RNF4: variants seen among roughly 807,000 people sequenced by gnomAD.
RNF4 encodes ring finger protein 4.
Under a neutral mutation model 24.3 loss-of-function variants are expected in RNF4, and 7 were observed. The ratio of observed to expected loss-of-function variants is 0.29; its 90% CI spans 0.16 to 0.54. The LOEUF is 0.54. Among genes scored for constraint, RNF4 ranks in the 20% least tolerant of loss-of-function variants. The pLI is 0.95. For synonymous variants in RNF4, 83 were observed against 84.3 expected, an observed-to-expected ratio of 0.98 and a Z score of 0.09; for missense variants, 209 against 248.5, an observed-to-expected ratio of 0.84 and a Z score of 1.07.
chr4:2,500,723 C>A lies in RNF4; in HGVS notation c.189C>A (p.His63Gln), dbSNP rs1735884693. ...SLEPVVVDLT[H>Q]NDSVVIVDER... ...AGCCTGTGGTGGTTGATCTGACTCA[C>A]AATGACTCTGTTGTGGTAAGTGTTG... Residue 63 changes from histidine to glutamine, a missense_variant, in exon 4 of 8, where the codon CAC becomes CAA. Around this residue, in one of 3 missense-constraint regions of RNF4, gnomAD observed 182 missense variants for 197.2 expected, o/e 0.92. Coordinates refer to ENST00000314289, the MANE Select transcript of RNF4 (RefSeq NM_002938.5). The A allele has an allele frequency of 2.5e-6, 4 of 1,613,836 alleles. No homozygotes were observed. The highest frequency in any genetic ancestry group is 3.4e-6 in the Non-Finnish European group (4 of 1,179,800).
intron 1 of RNF4, among the ~76,000 whole-genome samples, chr4:2,486,045 C>G (rs1395530166): frequency 1.3e-5 from 2 of 152,150 alleles, no homozygotes; most frequent in African/African-American, 4.8e-5. Context: ...GTCTTGGTAT[C>G]AGACTGCCCT....
In RNF4 at chr4:2,512,629, A is replaced by G. The variant is rs1736300934; in HGVS notation, c.374+32A>G. Reference sequence around the variant, plus strand: ...ACGTGCCCCCAGCTCTGCTGCCGCCATGCTAGGATGTGGGGCCAGGGCATG... The same window carrying G: ...ACGTGCCCCCAGCTCTGCTGCCGCCGTGCTAGGATGTGGGGCCAGGGCATG... On this transcript the variant is annotated intron_variant, in intron 6 of 7. Coordinates refer to ENST00000314289, the MANE Select transcript of RNF4 (RefSeq NM_002938.5). This position sits in a 1 kb window ranked among gnomAD's most constrained non-coding sequence, Gnocchi z 4.1. The G allele has an allele frequency of 1.9e-6, 3 of 1,610,194 alleles. No homozygotes were observed. The highest frequency in any genetic ancestry group is 4.5e-5 in the East Asian group (2 of 44,844).
chr4:2,505,666 G>C (rs1736076217), intron 4 of RNF4: 1 of 147,978 alleles, frequency 6.8e-6, no homozygotes, highest in Admixed American at 6.8e-5. Flanking sequence ...TTGGTGCTGA[G>C]GTTTTCTTTA....
rs868681005 is a variant in RNF4 at position 2,469,137 on chromosome 4, A to G, written c.-279A>G. ...AGTGGGTTGCTGTTGAGGCGGCGGC[A>G]TCTTTCTCGAGGAGCTCTCCTGGGC... is the stretch of plus-strand genomic sequence containing the variant. On this transcript the variant is annotated 5_prime_UTR_variant, in exon 1 of 8. Transcript: ENST00000314289. The G allele has an allele frequency of 6.6e-6, 1 of 152,222 alleles. No homozygotes were observed. The highest frequency in any genetic ancestry group is 2.4e-5 in the African/African-American group (1 of 41,452). The allele number at this position is 152,222 out of a possible 1,614,324, so 9.4% of individuals were successfully genotyped here.
At chr4:2,494,347 T>TG (rs1735670725) in intron 2 of RNF4, among the ~76,000 whole-genome samples, 1 of 151,566 alleles carries the variant, frequency 6.6e-6, no homozygotes. Flanking sequence ...ATTCTGTATT[T>TG]GTCCCAATTG....
chr4:2,501,934 G>GA, intron 4 of RNF4, among the ~76,000 whole-genome samples: 1 of 152,310 alleles, frequency 6.6e-6, no homozygotes, highest in African/African-American at 2.4e-5. Flanking sequence ...GACAGGGATG[G>GA]AAAACCATCT....
At chr4:2,484,619 A>T (rs1735352581) in intron 1 of RNF4, among the ~76,000 whole-genome samples, 1 of 150,118 alleles carries the variant, frequency 6.7e-6, no homozygotes, top group African/African-American at 2.5e-5. Context: ...CTCCTGCTAG[A>T]GTGGGGGGGG....
At chr4:2,469,358 C>T (rs961954834) in intron 1 of RNF4, 100 bp downstream of exon 1, 9 of 152,158 alleles carry the variant, frequency 5.9e-5, no homozygotes, top group Admixed American at 2.0e-4. Flanking sequence ...CGGCTTGACC[C>T]AGCCGAGGCT....
chr4:2,488,579 T>G (rs1177198355), intron 1 of RNF4, among the ~76,000 whole-genome samples: 1 of 152,184 alleles, frequency 6.6e-6, no homozygotes, highest in Non-Finnish European at 1.5e-5. Context: ...GCCAACCTGG[T>G]GCTGTGGGGC....
intron 2 of RNF4, among the ~76,000 whole-genome samples, chr4:2,492,362 T>C (rs1287702068): frequency 6.6e-6 from 1 of 152,204 alleles, no homozygotes; most frequent in Non-Finnish European, 1.5e-5. Context: ...GAGACAGCTC[T>C]GGTTTGGTGT....
chr4:2,487,368 C>G (rs908139704), intron 1 of RNF4, among the ~76,000 whole-genome samples: 1 of 152,200 alleles, frequency 6.6e-6, no homozygotes, highest in African/African-American at 2.4e-5. Flanking sequence ...TCATTGCAAC[C>G]TCCGCCTCCC....
rs1160666448 is a variant in RNF4, at chr4:2,496,904, T to C, written c.10-103T>C. On this transcript the variant is annotated intron_variant, in intron 2 of 7. Transcript: ENST00000314289. ...GAGCCCTAACTTCAAGTCTACTCGC[T>C]GGCTTCTTAATGAAGTGAACCATTT... The C allele has an allele frequency of 3.9e-6, 3 of 767,100 alleles. No individual in the cohort carries two copies. In the African/African-American group the frequency reaches 5.3e-5, roughly 14 times the overall value. The allele number at this position is 767,100 out of a possible 1,614,324, so 47.5% of individuals were successfully genotyped here.
rs1736305985 is a variant in RNF4 at position 2,512,813 on chromosome 4, A to AGG, written c.374+217_374+218insGG. On this transcript the variant is annotated intron_variant, in intron 6 of 7. Coordinates refer to ENST00000314289, the MANE Select transcript of RNF4 (RefSeq NM_002938.5). This position sits in a 1 kb window ranked among gnomAD's most constrained non-coding sequence, Gnocchi z 4.1. ...AAGCGCTGACACAGTGTGTGCAGAC[A>AGG]GTCCCAGTGGCCCCAGACAGGGATC... is the stretch of plus-strand genomic sequence containing the variant. Among the ~76,000 whole-genome samples, 1 of 152,170 alleles carries AGG rather than the reference A, an allele frequency of 6.6e-6. No homozygotes were observed. Among genetic ancestry groups the AGG allele is most frequent in the African/African-American group, 2.4e-5 (1 of 41,446 alleles).
chr4:2,491,165 A>G (rs908592342), intron 2 of RNF4, among the ~76,000 whole-genome samples: 1 of 152,240 alleles, frequency 6.6e-6, no homozygotes, highest in African/African-American at 2.4e-5. Context: ...CATGGTAGTA[A>G]TAATCCATAG....
At chr4:2,507,787 G>A (rs1475804346) in intron 4 of RNF4, among the ~76,000 whole-genome samples, 3 of 152,140 alleles carry the variant, frequency 2.0e-5, no homozygotes, top group South Asian at 2.1e-4. Context: ...CCTATGGACT[G>A]TTGTCCATAG....
At chr4:2,505,482 C>G (rs543614655) in intron 4 of RNF4, 1 of 151,672 alleles carries the variant, frequency 6.6e-6, no homozygotes, top group Non-Finnish European at 1.5e-5. Flanking sequence ...CCCGCCACCA[C>G]ACCCGGCTAA....
chr4:2,471,813 A>G (rs1489745261), intron 1 of RNF4, among the ~76,000 whole-genome samples: 2 of 152,230 alleles, frequency 1.3e-5, no homozygotes, highest in Non-Finnish European at 2.9e-5. Context: ...AATTCTGTGA[A>G]GAGTGAGGAA....
chr4:2,504,127 C>A (rs1735996754), intron 4 of RNF4, among the ~76,000 whole-genome samples: 1 of 152,166 alleles, frequency 6.6e-6, no homozygotes, highest in South Asian at 2.1e-4. Context: ...GAATTCAAAG[C>A]CCCTGAAAAA....
At chr4:2,487,772 C>T in intron 1 of RNF4, among the ~76,000 whole-genome samples, 1 of 152,124 alleles carries the variant, frequency 6.6e-6, no homozygotes, top group Non-Finnish European at 1.5e-5. Context: ...TATGGGCCAG[C>T]CTAAGGAGAT....
Sources: gnomAD v4.1 joint callset for allele counts (sites outside exome capture counted in the v4.1 genomes callset) on GRCh38, gnomAD v4.1.1 for gene constraint, gnomAD v4.1.1 regional missense constraint, Gnocchi (gnomAD v3.1) non-coding constraint, MANE v1.5 for transcripts, NCBI Gene and HGNC (gene_info 2026-07-23, HGNC 2026-07-21) for gene names.